Variants in TARBP1 observed in about 807,000 individuals in gnomAD.
The protein encoded by TARBP1 is tRNA guanosine 2 -O-methyltransferase TARBP1, also known as tRNA (guanosine(18)-2'-O)-methyltransferase TARBP1.
In TARBP1, 144 loss-of-function variants were observed where a neutral mutation model predicts 178.6. The ratio of observed to expected loss-of-function variants is 0.81; its 90% CI spans 0.70 to 0.93. The LOEUF is 0.93. TARBP1 is among the 40% of genes least tolerant of loss of function. The probability of loss-of-function intolerance (pLI) is 0.00; values close to 1 mark genes in which losing one functional copy is unlikely to be tolerated. For synonymous variants in TARBP1, 787 were observed against 781.0 expected (o/e 1.01, Z -0.13); for missense variants, 2,067 against 2,011.7 (o/e 1.03, Z -0.53).
At chr1:234,414,595 C>T (rs932999575) in intron 22 of TARBP1, among the ~76,000 whole-genome samples, 12 of 152,152 alleles carry the variant, frequency 7.9e-5, no homozygotes, top group African/African-American at 2.9e-4. Flanking sequence ...ACTGACTCGT[C>T]AGTCAGTCAC....
chr1:234,417,884 C>CA (rs984770001), intron 22 of TARBP1, among the ~76,000 whole-genome samples, 200 bp downstream of exon 22: 1 of 152,074 alleles, frequency 6.6e-6, no homozygotes, highest in African/African-American at 2.4e-5. Context: ...GAACAGCTCT[C>CA]AAAAACTATG....
At chr1:234,448,069 G>A (rs1381542771) in intron 11 of TARBP1, among the ~76,000 whole-genome samples, 1 of 152,084 alleles carries the variant, frequency 6.6e-6, no homozygotes, top group Non-Finnish European at 1.5e-5. Context: ...CTCTCTAGTA[G>A]TTGAGACTAC....
At chr1:234,447,395 T>C (rs1420806953) in intron 11 of TARBP1, among the ~76,000 whole-genome samples, 2 of 72,054 alleles carry the variant, frequency 2.8e-5, no homozygotes, top group African/African-American at 9.5e-5. Flanking sequence ...GTTAACCAAC[T>C]TTTTTTTTTT....
chr1:234,437,316 C>G lies in TARBP1; in HGVS notation c.2191G>C (p.Glu731Gln). 6.3e-7 allele frequency: 1 copy of G among 1,596,848 alleles called. No homozygotes were observed. The highest frequency in any genetic ancestry group is 8.5e-7 in the Non-Finnish European group (1 of 1,170,874). Residue 731 changes from glutamate (E) to glutamine (Q), a missense_variant, in exon 13 of 30, where the codon GAA becomes CAA. Coordinates refer to ENST00000040877, the MANE Select transcript of TARBP1 (RefSeq NM_005646.4). ...FFMSTTESIS[E>Q]FILRRLTMNE... ...ATAGTAAGTCTTCTGAGAATAAATT[C>G]AGAAATGCTCTCTGTAGTAGACATG...
At chr1:234,399,897 A>AG (rs1198806303) in intron 25 of TARBP1, among the ~76,000 whole-genome samples, 6 of 25,116 alleles carry the variant, frequency 2.4e-4, no homozygotes, top group Admixed American at 5.7e-4. Flanking sequence ...GGGTGGGGGG[A>AG]GGGGGGGAGG....
Position 234,398,517 on chromosome 1 carries a change from T to A in TARBP1, c.4108A>T (p.Ile1370Phe). ...FYILPRLSGL[I>F]EDEWITIDKF... The stretch of plus-strand genomic sequence containing the variant: ...TCAATGGTGATCCATTCATCTTCAA[T>A]AAGGCCTGAAAGGCGTGGAAGGATG... The change falls in exon 26 of 30, where the codon ATT becomes TTT. Residue 1370 changes from isoleucine to phenylalanine, a missense_variant. Physicochemically the swap from Ile to Phe is conservative, Grantham distance 21. Transcript: ENST00000040877. The A allele has an allele frequency of 6.2e-7, 1 of 1,609,272 alleles. No individual in the cohort carries two copies. The highest frequency in any genetic ancestry group is 8.5e-7 in the Non-Finnish European group (1 of 1,176,976).
At chr1:234,423,832 C>T (rs750646293) in intron 20 of TARBP1, among the ~76,000 whole-genome samples, 5 of 151,650 alleles carry the variant, frequency 3.3e-5, no homozygotes, top group Non-Finnish European at 5.9e-5. Context: ...TCAAGCAATC[C>T]TCCTGCCTTG....
rs111846674 is a variant in TARBP1, at chr1:234,472,818, T to C, written c.932-7A>G. 55 of 1,586,628 alleles carry C rather than the reference T, an allele frequency of 3.5e-5. No homozygotes were observed. Among genetic ancestry groups the C allele is most frequent in the African/African-American group, 2.5e-4 (18 of 73,006 alleles). ...CACCAAAACAGACTTGGGCCTGATA[T>C]GGTTTAAAAAAGAAAATTAGTTCTT... On this transcript the variant is annotated splice_polypyrimidine_tract_variant and splice_region_variant and intron_variant, in intron 1 of 29. Transcript: ENST00000040877.
intron 26 of TARBP1, among the ~76,000 whole-genome samples, chr1:234,395,096 C>T (rs1441472575): frequency 1.3e-5 from 2 of 152,144 alleles, no homozygotes; most frequent in South Asian, 2.1e-4. Flanking sequence ...TGGTGGTAGA[C>T]GCCTATAATC....
intron 20 of TARBP1, among the ~76,000 whole-genome samples, chr1:234,421,867 A>G (rs1262308660): frequency 6.6e-6 from 1 of 152,234 alleles, no homozygotes; most frequent in Non-Finnish European, 1.5e-5. Context: ...CATAGTGTAG[A>G]TGATCCTCAT....
chr1:234,431,903 C>A (rs947447385), intron 14 of TARBP1, among the ~76,000 whole-genome samples: 1 of 150,620 alleles, frequency 6.6e-6, no homozygotes, highest in African/African-American at 2.4e-5. Flanking sequence ...TTTGGGAGGC[C>A]GAGGTGGGTG....
chr1:234,470,620 CTT>C (rs1160690637), intron 3 of TARBP1, among the ~76,000 whole-genome samples: 6 of 146,382 alleles, frequency 4.1e-5, no homozygotes, highest in Non-Finnish European at 3.0e-5. Context: ...AAATTGTGTT[CTT>C]TTTTTTTTTT....
At chr1:234,406,995 C>T (rs1422929931) in intron 23 of TARBP1, 1 of 152,222 alleles carries the variant, frequency 6.6e-6, no homozygotes, top group Non-Finnish European at 1.5e-5. Flanking sequence ...TGATAACACA[C>T]TTGTTACTCT....
At position 234,398,381 on chromosome 1, in the gene TARBP1, C is replaced by T. The variant is rs768819942; in HGVS notation, c.4243+1G>A. The T allele has an allele frequency of 1.8e-5, 29 of 1,571,858 alleles. No individual in the cohort carries two copies. Among genetic ancestry groups the T allele is most frequent in the Non-Finnish European group, 2.3e-5 (27 of 1,157,636 alleles). ...AAAATAAAATGAAAATTATTTTTTA[C>T]CTATGTCTTGCTGAGACCAGTCACC... On this transcript the variant is annotated splice_donor_variant, in intron 26 of 29. Coordinates refer to ENST00000040877, the MANE Select transcript of TARBP1 (RefSeq NM_005646.4). LOFTEE classifies it high-confidence loss of function.
intron 22 of TARBP1, among the ~76,000 whole-genome samples, chr1:234,414,197 CCA>C (rs1662163311): frequency 6.6e-6 from 1 of 152,190 alleles, no homozygotes; most frequent in African/African-American, 2.4e-5. Flanking sequence ...ACAAACACAG[CCA>C]CAGACAATAT....
chr1:234,411,516 G>C (rs192019203), intron 22 of TARBP1, among the ~76,000 whole-genome samples: 15 of 152,320 alleles, frequency 9.8e-5, no homozygotes, highest in South Asian at 6.2e-4. Flanking sequence ...ACAGATAAGT[G>C]AACAAGAACA....
chr1:234,468,731 C>T (rs1476594305), intron 3 of TARBP1, among the ~76,000 whole-genome samples: 1 of 151,924 alleles, frequency 6.6e-6, no homozygotes, highest in Non-Finnish European at 1.5e-5. Flanking sequence ...AACCTCATCC[C>T]CCACTCCACA....
intron 22 of TARBP1, among the ~76,000 whole-genome samples, chr1:234,416,233 A>G (rs1414857102): frequency 3.9e-5 from 6 of 152,218 alleles, no homozygotes; most frequent in Admixed American, 3.9e-4. Flanking sequence ...TCAAGGAAAA[A>G]TAACAGAATC....
In TARBP1 at chr1:234,437,273, A is replaced by C. The variant is rs1665123470; in HGVS notation, c.2232+2T>G. 7 of 1,437,664 alleles carry C rather than the reference A, an allele frequency of 4.9e-6. No homozygotes were observed. Among genetic ancestry groups the C allele is most frequent in the Middle Eastern group, 3.5e-4 (2 of 5,638 alleles). The allele number at this position is 1,437,664 out of a possible 1,614,324, so 89.1% of individuals were successfully genotyped here. A position where few individuals can be genotyped will look rare whatever the true frequency, so the allele number is the denominator to read the frequency against. Reference sequence around the variant, plus strand: ...AAGAAAGTTATTCCACTGAATACTTACACTATTTAGCTCATTCATAGTAAG... The same window carrying C: ...AAGAAAGTTATTCCACTGAATACTTCCACTATTTAGCTCATTCATAGTAAG... On this transcript the variant is annotated splice_donor_variant, in intron 13 of 29. Transcript: ENST00000040877. LOFTEE classifies it high-confidence loss of function.
Sources: gnomAD v4.1 joint callset for allele counts (sites outside exome capture counted in the v4.1 genomes callset) on GRCh38, gnomAD v4.1.1 for gene constraint, MANE v1.5 for transcripts, NCBI Gene and HGNC (gene_info 2026-07-23, HGNC 2026-07-21) for gene names.